The following CLCA4 variants were observed in gnomAD, a reference collection of about 807,000 sequenced individuals.
The protein encoded by CLCA4 is calcium-activated chloride channel regulator 4.
Under a neutral mutation model 78.9 loss-of-function variants are expected in CLCA4, and 69 were observed. The ratio of observed to expected loss-of-function variants is 0.87; its 90% CI spans 0.72 to 1.07. The LOEUF (loss-of-function observed/expected upper bound fraction) is 1.07. Ranked by LOEUF, CLCA4 falls within the 50% of genes least tolerant of loss-of-function variation. CLCA4 has a pLI of 0.00. For synonymous variants in CLCA4, 362 were observed against 375.8 expected (o/e 0.96, Z 0.42); for missense variants, 1,133 against 1,095.8 (o/e 1.03, Z -0.48).
intron 13 of CLCA4, 45 bp from the exon 14 acceptor site, chr1:86,579,897 T>C: frequency 1.6e-6 from 2 of 1,214,140 alleles, no homozygotes; most frequent in South Asian, 2.9e-5. Context: ...GGAATGAATA[T>C]GCTATGCTGC....
chr1:86,563,844 A>C lies in CLCA4; in HGVS notation c.557+75A>C, dbSNP rs568512692. 1.8e-5 allele frequency: 14 copies of C among 797,470 alleles called. No homozygotes were observed. In the Admixed American group the frequency reaches 3.5e-4, roughly 20 times the overall value. 49.4% of individuals were successfully genotyped at this position (797,470 alleles called of 1,614,324 possible). ...TATTTTCCTACTTTGATTTCTTCCAAAATCATTCTTAATGCAGACAATATG... is the reference window on the plus strand; with the variant it reads ...TATTTTCCTACTTTGATTTCTTCCACAATCATTCTTAATGCAGACAATATG... On this transcript the variant is annotated intron_variant, in intron 4 of 13. Coordinates refer to ENST00000370563, the MANE Select transcript of CLCA4 (RefSeq NM_012128.4).
At chr1:86,557,696 T>C (rs972877773) in intron 1 of CLCA4, among the ~76,000 whole-genome samples, 13 of 152,188 alleles carry the variant, frequency 8.5e-5, no homozygotes, top group Non-Finnish European at 4.4e-5. Flanking sequence ...TCTGTTGTTA[T>C]GGGGTGGAGA....
At chr1:86,569,404 G>C (rs1417635454) in intron 7 of CLCA4, among the ~76,000 whole-genome samples, 1 of 151,966 alleles carries the variant, frequency 6.6e-6, no homozygotes, top group Non-Finnish European at 1.5e-5. Context: ...TGTGGTTGGA[G>C]AGGTAGACAA....
chr1:86,568,899 C>T (rs1650273734), intron 7 of CLCA4, among the ~76,000 whole-genome samples: 1 of 151,994 alleles, frequency 6.6e-6, no homozygotes, highest in Non-Finnish European at 1.5e-5. Flanking sequence ...ACATGAAGTC[C>T]TGCATTCACA....
intron 1 of CLCA4, chr1:86,553,028 G>T: frequency 9.5e-6 from 6 of 631,966 alleles, no homozygotes; most frequent in South Asian, 9.2e-5. Flanking sequence ...GCCCCCTCCT[G>T]CTCCCACGCC....
intron 1 of CLCA4, among the ~76,000 whole-genome samples, chr1:86,548,656 TG>T (rs1457622359): frequency 7.8e-6 from 1 of 127,726 alleles, no homozygotes; most frequent in Non-Finnish European, 1.6e-5. Context: ...CACTCCAGCC[TG>T]GGCAACAGAG....
In CLCA4 at chr1:86,573,262, T is replaced by C. The variant is rs534715402; in HGVS notation, c.1467+542T>C. Among the ~76,000 whole-genome samples, 2 of 151,950 alleles carry C rather than the reference T, an allele frequency of 1.3e-5. 1 individual carries two copies. Among genetic ancestry groups the C allele is most frequent in the Non-Finnish European group, 2.9e-5 (2 of 67,886 alleles). ...ACTTTTTTCGGTGGCTTTTTTTTTA[T>C]TCACCTGTCTTCCGAACTTAACACT... On this transcript the variant is annotated intron_variant, in intron 9 of 13. Coordinates refer to ENST00000370563, the MANE Select transcript of CLCA4 (RefSeq NM_012128.4).
At chr1:86,576,250 G>T (rs766086435) in intron 11 of CLCA4, among the ~76,000 whole-genome samples, 3 of 151,958 alleles carry the variant, frequency 2.0e-5, no homozygotes, top group Admixed American at 6.6e-5. Flanking sequence ...TGATGCCTCT[G>T]CCTCCCAGGC....
chr1:86,580,019 A>G lies in CLCA4; in HGVS notation c.2434A>G (p.Thr812Ala). 1 of 1,609,936 alleles carries G rather than the reference A, an allele frequency of 6.2e-7. No homozygotes were observed. Among genetic ancestry groups the G allele is most frequent in the East Asian group, 2.2e-5 (1 of 44,742 alleles). The part of the protein sequence containing the change: ...DSFDDALQVN[T>A]TDLSPKEANS... ...TTTTGATGATGCTCTTCAAGTAAAT[A>G]CTACTGATCTGTCACCAAAGGAGGC... is the stretch of plus-strand genomic sequence containing the variant. The change falls in exon 14 of 14, where the codon ACT (threonine) becomes GCT (alanine). Residue 812 changes from threonine to alanine, a missense_variant. By Grantham distance (58) the Thr-to-Ala change is moderately conservative (BLOSUM62 0). Transcript: ENST00000370563.
chr1:86,576,742 A>G (rs928939593), intron 11 of CLCA4, among the ~76,000 whole-genome samples: 2 of 152,048 alleles, frequency 1.3e-5, no homozygotes, highest in Non-Finnish European at 2.9e-5. Flanking sequence ...GGCAGCTAGC[A>G]CTGCCACAAA....
intron 1 of CLCA4, among the ~76,000 whole-genome samples, chr1:86,550,032 C>T (rs542927637): frequency 2.0e-5 from 3 of 152,230 alleles, no homozygotes; most frequent in African/African-American, 7.2e-5. Context: ...TTATTTTTCC[C>T]TCTCCCTGAT....
At chr1:86,571,278 A>G in intron 8 of CLCA4, 24 bp downstream of exon 8, 1 of 1,594,570 alleles carries the variant, frequency 6.3e-7, no homozygotes, top group Admixed American at 1.7e-5. Context: ...CATTTATTCC[A>G]GGCCTTCAAT....
intron 1 of CLCA4, among the ~76,000 whole-genome samples, chr1:86,556,186 C>T (rs555663878): frequency 1.3e-5 from 2 of 152,092 alleles, no homozygotes; most frequent in Non-Finnish European, 2.9e-5. Flanking sequence ...TATTTGGATG[C>T]CCTTTATTTA....
intron 1 of CLCA4, 98 bp downstream of exon 1, chr1:86,547,376 A>G: frequency 1.1e-6 from 1 of 889,706 alleles, no homozygotes; most frequent in Non-Finnish European, 1.6e-6. Flanking sequence ...ACAAAGTAGT[A>G]TTTCTATACA....
chr1:86,579,208 G>T, intron 12 of CLCA4, 146 bp from the exon 13 acceptor site: 1 of 638,896 alleles, frequency 1.6e-6, no homozygotes, highest in Non-Finnish European at 2.8e-6. Context: ...TCACCAGTTG[G>T]GCGCTTATGA....
chr1:86,563,578 TA>T (rs1204830312), intron 3 of CLCA4, 82 bp from the exon 4 acceptor site: 2 of 623,524 alleles, frequency 3.2e-6, no homozygotes, highest in African/African-American at 1.9e-5. Flanking sequence ...ATATATTTTA[TA>T]ATTGAAAGAG....
In CLCA4 at chr1:86,571,107, G is replaced by A; in HGVS notation, c.1213G>A (p.Gly405Arg). ...VIGELHSQLD[G>R]SEVLLLTDGE... ...TGGAGAGCTACATTCCCAACTCGATGGATCCGAAGTACTGCTGCTGACTGA... is the reference window on the plus strand; with the variant it reads ...TGGAGAGCTACATTCCCAACTCGATAGATCCGAAGTACTGCTGCTGACTGA... The change falls in exon 8 of 14, where the codon GGA (glycine) becomes AGA (arginine). Residue 405 changes from glycine (G) to arginine (R), a missense_variant. Transcript: ENST00000370563. 1 of 1,612,102 alleles carries A rather than the reference G, an allele frequency of 6.2e-7. No homozygotes were observed.
chr1:86,561,978 T>C lies in CLCA4; in HGVS notation c.448+1620T>C, dbSNP rs577966178. ...ATCTTATGCAATTTTGTAATAATCA[T>C]GATAACACCACCAACAATCACAATA... On this transcript the variant is annotated intron_variant, in intron 3 of 13. Coordinates refer to ENST00000370563, the MANE Select transcript of CLCA4 (RefSeq NM_012128.4). Among the ~76,000 whole-genome samples, 3 of 152,278 alleles carry C rather than the reference T, an allele frequency of 2.0e-5. No homozygotes were observed. In the East Asian group the frequency reaches 5.8e-4, roughly 29 times the overall value.
chr1:86,580,535 T>C lies in CLCA4; in HGVS notation c.*190T>C. The C allele has an allele frequency of 2.4e-6, 1 of 413,228 alleles. No individual in the cohort carries two copies. The highest frequency in any genetic ancestry group is 4.2e-6 in the Non-Finnish European group (1 of 237,936). 25.6% of individuals were successfully genotyped at this position (413,228 alleles called of 1,614,324 possible). On this transcript the variant is annotated 3_prime_UTR_variant, in exon 14 of 14. Coordinates refer to ENST00000370563, the MANE Select transcript of CLCA4 (RefSeq NM_012128.4). ...AAAACACTCATGGATATGTAAAAAC[T>C]GTCAAGATTAAAATTTAATAGTTTC... is the stretch of plus-strand genomic sequence containing the variant.
Sources: allele counts gnomAD v4.1 joint callset (sites outside exome capture counted in the v4.1 genomes callset), GRCh38; gene constraint gnomAD v4.1.1; transcripts MANE v1.5; gene names NCBI Gene and HGNC (gene_info 2026-07-23, HGNC 2026-07-21).